RGSL1: variants seen among roughly 807,000 people sequenced by gnomAD.
RGSL1 encodes regulator of G protein signaling protein-like.
RGSL1 carries 97 observed loss-of-function variants against 124.7 expected under a neutral mutation model. That is an observed-to-expected ratio of 0.78 (90% CI 0.66 to 0.92). The LOEUF (loss-of-function observed/expected upper bound fraction) is 0.92. Ranked by LOEUF, RGSL1 falls within the 40% of genes least tolerant of loss-of-function variation. RGSL1 has a pLI of 0.00. For missense variants in RGSL1, 1,233 were observed against 1,288.4 expected, an observed-to-expected ratio of 0.96 and a Z score of 0.66; for synonymous variants, 424 against 438.1, an observed-to-expected ratio of 0.97 and a Z score of 0.40.
At chr1:182,535,907 C>T (rs1174068401) in intron 14 of RGSL1, among the ~76,000 whole-genome samples, 1 of 152,030 alleles carries the variant, frequency 6.6e-6, no homozygotes, top group African/African-American at 2.4e-5. Flanking sequence ...CAAGAAATTC[C>T]TTTATGTGTC....
At chr1:182,548,963 T>C (rs758321910) in intron 17 of RGSL1, 139 bp downstream of exon 17, 13 of 1,027,790 alleles carry the variant, frequency 1.3e-5, no homozygotes, top group Non-Finnish European at 1.7e-5. Flanking sequence ...TTCAAAATCC[T>C]ATTCACCTCA....
At position 182,472,693 on chromosome 1, in the gene RGSL1, C is replaced by G. The variant is rs1041587049; in HGVS notation, c.463+136C>G. The G allele has an allele frequency of 4.2e-5, 36 of 864,552 alleles. No homozygotes were observed. In the African/African-American group the frequency reaches 5.6e-4, roughly 13 times the overall value. The allele number at this position is 864,552 out of a possible 1,614,324, so 53.6% of individuals were successfully genotyped here. On this transcript the variant is annotated intron_variant, in intron 5 of 21. Transcript: ENST00000294854. Reference sequence around the variant, plus strand: ...TATGTATCAGAGAGGCTAGTGGCAACCCCAACCCTTAACCAGGAAAGTATT... The same window carrying G: ...TATGTATCAGAGAGGCTAGTGGCAAGCCCAACCCTTAACCAGGAAAGTATT...
At chr1:182,530,471 C>T in intron 12 of RGSL1, 110 bp downstream of exon 12, 1 of 842,656 alleles carries the variant, frequency 1.2e-6, no homozygotes. Flanking sequence ...ATTGCCAGAG[C>T]CTCTCTACAA....
At chr1:182,455,658 T>C (rs1215747856) in intron 2 of RGSL1, among the ~76,000 whole-genome samples, 1 of 151,700 alleles carries the variant, frequency 6.6e-6, no homozygotes, top group East Asian at 1.9e-4. Flanking sequence ...ACAAAAGCAT[T>C]ATAGACAGAA....
At chr1:182,535,852 A>G (rs1659502532) in intron 14 of RGSL1, among the ~76,000 whole-genome samples, 1 of 152,144 alleles carries the variant, frequency 6.6e-6, no homozygotes, top group Non-Finnish European at 1.5e-5. Context: ...AATTTGATGA[A>G]TGTAAGTATC....
intron 15 of RGSL1, among the ~76,000 whole-genome samples, chr1:182,542,187 A>G (rs1322619649): frequency 6.6e-6 from 1 of 152,136 alleles, no homozygotes; most frequent in African/African-American, 2.4e-5. Context: ...TTCTTCCAGT[A>G]GCTTCAGAGT....
chr1:182,534,512 A>G (rs972282597), intron 14 of RGSL1, among the ~76,000 whole-genome samples: 1 of 152,226 alleles, frequency 6.6e-6, no homozygotes, highest in African/African-American at 2.4e-5. Flanking sequence ...CTGTTTCACA[A>G]TAAAATATTT....
At chr1:182,505,840 A>G (rs920254246) in intron 9 of RGSL1, among the ~76,000 whole-genome samples, 11 of 152,154 alleles carry the variant, frequency 7.2e-5, no homozygotes, top group African/African-American at 2.4e-4. Flanking sequence ...ATCGATTTTT[A>G]TGTAATAAAC....
chr1:182,448,464 T>G (rs1310894488), upstream of RGSL1: 1 of 152,162 alleles, frequency 6.6e-6, no homozygotes, highest in African/African-American at 2.4e-5. Flanking sequence ...CCTCAAGTGA[T>G]CCACCCACCT....
intron 9 of RGSL1, among the ~76,000 whole-genome samples, 184 bp from the exon 10 acceptor site, chr1:182,521,820 G>A (rs1161090513): frequency 1.3e-5 from 2 of 152,210 alleles, no homozygotes; most frequent in African/African-American, 4.8e-5. Context: ...TGATGTTCAT[G>A]TCAGGGGTAT....
At chr1:182,482,918 T>C (rs1654822486) in intron 6 of RGSL1, among the ~76,000 whole-genome samples, 1 of 152,222 alleles carries the variant, frequency 6.6e-6, no homozygotes, top group African/African-American at 2.4e-5. Flanking sequence ...GTGTATATGA[T>C]GCAGTATTAT....
chr1:182,454,282 T>C (rs1652095075), intron 2 of RGSL1, among the ~76,000 whole-genome samples: 1 of 152,166 alleles, frequency 6.6e-6, no homozygotes, highest in Admixed American at 6.5e-5. Flanking sequence ...TTACTTGCCT[T>C]TACCTGTCCA....
At chr1:182,485,251 AAT>A (rs1189151215) in intron 6 of RGSL1, among the ~76,000 whole-genome samples, 1 of 151,982 alleles carries the variant, frequency 6.6e-6, no homozygotes, top group Non-Finnish European at 1.5e-5. Flanking sequence ...GTGGAGGCCC[AAT>A]GTTTCCTTTC....
intron 3 of RGSL1, among the ~76,000 whole-genome samples, chr1:182,459,648 A>G (rs1427348813): frequency 6.6e-6 from 1 of 152,244 alleles, no homozygotes; most frequent in African/African-American, 2.4e-5. Context: ...CAAGTTGAAT[A>G]GAGTTATGAT....
chr1:182,484,076 G>C (rs1180534935), intron 6 of RGSL1, among the ~76,000 whole-genome samples: 3 of 152,110 alleles, frequency 2.0e-5, no homozygotes. Context: ...GCCAGGCGCA[G>C]TGGCACCAAG....
intron 14 of RGSL1, 145 bp downstream of exon 14, chr1:182,532,936 G>C: frequency 1.2e-6 from 1 of 837,822 alleles, no homozygotes; most frequent in Non-Finnish European, 1.8e-6. Context: ...GCAAAGCCAG[G>C]CCCAGGCCTT....
chr1:182,484,859 G>A (rs1370564028), intron 6 of RGSL1, among the ~76,000 whole-genome samples: 1 of 152,186 alleles, frequency 6.6e-6, no homozygotes, highest in Non-Finnish European at 1.5e-5. Flanking sequence ...AACTTGGCTT[G>A]GGGATGTCAG....
chr1:182,479,058 CACCACTAG>C (rs986698214), intron 6 of RGSL1, among the ~76,000 whole-genome samples: 1 of 152,036 alleles, frequency 6.6e-6, no homozygotes, highest in African/African-American at 2.4e-5. Flanking sequence ...ATGAGTTTGT[CACCACTAG>C]ACCTGCCTTA....
chr1:182,478,587 A>G lies in RGSL1; in HGVS notation c.1431+4045A>G, dbSNP rs1479683033. Among the ~76,000 whole-genome samples, 5 of 152,190 alleles carry G rather than the reference A, an allele frequency of 3.3e-5. No individual in the cohort carries two copies. In the East Asian group the frequency reaches 9.6e-4, roughly 29 times the overall value. On this transcript the variant is annotated intron_variant, in intron 6 of 21. Transcript: ENST00000294854. The stretch of plus-strand genomic sequence containing the variant: ...ATGAAAAAGAGCAAAGAAAGCCTAA[A>G]GGACTTATGGGACACCATCAAGTGA...
Sources: gnomAD v4.1 joint callset for allele counts (sites outside exome capture counted in the v4.1 genomes callset) on GRCh38, gnomAD v4.1.1 for gene constraint, MANE v1.5 for transcripts, NCBI Gene and HGNC (gene_info 2026-07-23, HGNC 2026-07-21) for gene names.